The following LRP2 variants were observed in gnomAD, a reference collection of about 807,000 sequenced individuals.
LRP2 encodes the protein low-density lipoprotein receptor-related protein 2.
In LRP2, 172 loss-of-function variants were observed where a neutral mutation model predicts 531.0. The observed-to-expected ratio is 0.32, with a 90% confidence interval of 0.29 to 0.37. The LOEUF (loss-of-function observed/expected upper bound fraction) is 0.37. LRP2 is among the 10% of genes least tolerant of loss of function. The probability of loss-of-function intolerance (pLI) is 1.00; values close to 1 mark genes in which losing one functional copy is unlikely to be tolerated. For missense variants in LRP2, 5,167 were observed against 5,868.3 expected (o/e 0.88, Z 3.90); for synonymous variants, 1,992 against 2,027.6 (o/e 0.98, Z 0.47).
intron 1 of LRP2, among the ~76,000 whole-genome samples, chr2:169,358,898 CAAAA>C (rs777233354): frequency 1.7e-5 from 2 of 115,922 alleles, no homozygotes; most frequent in Admixed American, 9.0e-5. Context: ...ACGATTTTCT[CAAAA>C]AAAAAAAAAA....
In LRP2 at chr2:169,168,606, C is replaced by T. The variant is rs745949029; in HGVS notation, c.11568G>A (p.Pro3856=). 8.1e-6 allele frequency: 13 copies of T among 1,613,964 alleles called. No individual in the cohort carries two copies. Among genetic ancestry groups the T allele is most frequent in the South Asian group, 3.3e-5 (3 of 91,080 alleles). Residue 3856 remains proline (P), a synonymous_variant, in exon 61 of 79, where the codon CCG becomes CCA. Transcript: ENST00000649046. The part of the protein sequence containing the change: ...MFECKNHVCI[P]PYWKCDGDDD... ...CATCGCCATCACATTTCCAATATGG[C>T]GGGATACAAACATGGTTTTTGCATT...
intron 51 of LRP2, 39 bp downstream of exon 51, chr2:169,182,128 G>C: frequency 6.2e-6 from 10 of 1,612,786 alleles, no homozygotes; most frequent in South Asian, 3.3e-5. Flanking sequence ...GCAGAAGAAG[G>C]AGGTGAAAGA....
intron 1 of LRP2, among the ~76,000 whole-genome samples, chr2:169,327,095 G>GC (rs1306441298): frequency 1.3e-5 from 2 of 150,714 alleles, no homozygotes; most frequent in South Asian, 4.2e-4. Context: ...GGGGGGGTCA[G>GC]CCCCCCGCCC....
chr2:169,141,388 A>G (rs1285943384), intron 71 of LRP2, among the ~76,000 whole-genome samples: 2 of 152,030 alleles, frequency 1.3e-5, no homozygotes, highest in Non-Finnish European at 2.9e-5. Flanking sequence ...TTCTCTATTT[A>G]TTGTCCTCTT....
intron 73 of LRP2, 44 bp downstream of exon 73, chr2:169,139,499 G>A (rs1246523282): frequency 6.2e-7 from 1 of 1,611,226 alleles, no homozygotes; most frequent in Middle Eastern, 1.7e-4. Flanking sequence ...TTCAATGTAG[G>A]GGCCATGAGT....
intron 63 of LRP2, 138 bp from the exon 64 acceptor site, chr2:169,157,640 A>G (rs1222432542): frequency 1.6e-5 from 14 of 893,000 alleles, no homozygotes; most frequent in Non-Finnish European, 2.5e-5. Context: ...TGGAGAGGAC[A>G]GAGGGCACTG....
chr2:169,332,840 T>C (rs1428970139), intron 1 of LRP2, among the ~76,000 whole-genome samples: 1 of 152,228 alleles, frequency 6.6e-6, no homozygotes, highest in East Asian at 1.9e-4. Flanking sequence ...CAGAAATGTT[T>C]ATGCTTGGTG....
At position 169,259,006 on chromosome 2, in the gene LRP2, A is replaced by C. The variant is rs1690424156; in HGVS notation, c.2513+19T>G. 1.2e-6 allele frequency: 2 copies of C among 1,612,022 alleles called. No homozygotes were observed. On this transcript the variant is annotated intron_variant, in intron 17 of 78. Transcript: ENST00000649046. ...AGACATACAGTTTCAAGCTCTTAGG[A>C]AAACATGAACACACTTACCCGGCAA...
intron 65 of LRP2, among the ~76,000 whole-genome samples, chr2:169,155,133 AT>A (rs1021825678): frequency 1.3e-5 from 2 of 152,252 alleles, no homozygotes; most frequent in South Asian, 4.1e-4. Context: ...CCTTGATTTA[AT>A]TTTTTTAACC....
chr2:169,308,937 T>G (rs1333468245), intron 3 of LRP2, among the ~76,000 whole-genome samples: 2 of 152,136 alleles, frequency 1.3e-5, no homozygotes, highest in Non-Finnish European at 2.9e-5. Flanking sequence ...AGATGATATC[T>G]CATTGTGGTT....
At chr2:169,274,931 C>A in intron 14 of LRP2, 105 bp downstream of exon 14, 1 of 1,101,646 alleles carries the variant, frequency 9.1e-7, no homozygotes, top group Non-Finnish European at 1.4e-6. Context: ...CTTGAGAATG[C>A]CACCCAAATC....
intron 74 of LRP2, 33 bp downstream of exon 74, chr2:169,139,218 T>C (rs969218792): frequency 1.2e-5 from 20 of 1,613,942 alleles, no homozygotes; most frequent in Non-Finnish European, 1.4e-5. Context: ...TTCTTAGGCT[T>C]CAAACATCAA....
chr2:169,185,536 G>A lies in LRP2; in HGVS notation c.9812C>T (p.Ala3271Val), dbSNP rs769149306. The A allele has an allele frequency of 1.9e-6, 3 of 1,613,700 alleles. No homozygotes were observed. Among genetic ancestry groups the A allele is most frequent in the South Asian group, 2.2e-5 (2 of 91,076 alleles). ...KETIINHRLPAAESLAVDWVS... is the reference protein window; with the variant it reads ...KETIINHRLPVAESLAVDWVS... The stretch of plus-strand genomic sequence containing the variant: ...CCAGTCTACAGCCAGACTTTCTGCA[G>A]CTGGTAGTCTGTGGTTTATGATTGT... Residue 3271 changes from alanine to valine, a missense_variant, in exon 50 of 79, where the codon GCT (alanine) becomes GTT (valine). This residue lies in a region of LRP2 where 1,129 missense variants were observed against 1,362.7 expected (regional missense o/e 0.83). Transcript: ENST00000649046.
In LRP2 at chr2:169,233,391, T is replaced by C; in HGVS notation, c.5098+20A>G. 1 of 1,614,066 alleles carries C rather than the reference T, an allele frequency of 6.2e-7. No homozygotes were observed. The highest frequency in any genetic ancestry group is 8.5e-7 in the Non-Finnish European group (1 of 1,179,912). On this transcript the variant is annotated intron_variant, in intron 30 of 78. Transcript: ENST00000649046. ...TTTTTCAAGCTACTCCCAGGCAGGA[T>C]GTTTCTCTGTATCACTCACAATTTG...
chr2:169,303,055 A>G (rs1684325224), intron 4 of LRP2, among the ~76,000 whole-genome samples: 1 of 152,142 alleles, frequency 6.6e-6, no homozygotes, highest in South Asian at 2.1e-4. Flanking sequence ...ACAATGTCTA[A>G]GAAATACTTC....
intron 62 of LRP2, among the ~76,000 whole-genome samples, chr2:169,164,425 T>C (rs1289468585): frequency 2.0e-5 from 3 of 152,186 alleles, no homozygotes; most frequent in Non-Finnish European, 4.4e-5. Context: ...AAAGGAGTAT[T>C]TAGTGACACA....
At chr2:169,137,649 CAAAAAAAAAA>C (rs1160173051) in intron 75 of LRP2, among the ~76,000 whole-genome samples, 156 bp from the exon 76 acceptor site, 1 of 45,490 alleles carries the variant, frequency 2.2e-5, no homozygotes, top group East Asian at 6.8e-4. Context: ...AGAGAACTTG[CAAAAAAAAAA>C]AAAAAAAAAG....
chr2:169,265,669 T>A lies in LRP2; in HGVS notation c.2320+5235A>T, dbSNP rs569292708. ...TTGCAACCTGTACCCAGCCAAACAGTCAAGATGGAGAGCAAAATAAAACAC... is the reference window on the plus strand; with the variant it reads ...TTGCAACCTGTACCCAGCCAAACAGACAAGATGGAGAGCAAAATAAAACAC... On this transcript the variant is annotated intron_variant, in intron 16 of 78. Coordinates refer to ENST00000649046, the MANE Select transcript of LRP2 (RefSeq NM_004525.3). Among the ~76,000 whole-genome samples, 14 of 151,968 alleles carry A rather than the reference T, an allele frequency of 9.2e-5. No homozygotes were observed. The South Asian group carries it at 2.5e-3, about 27-fold the overall frequency.
intron 16 of LRP2, among the ~76,000 whole-genome samples, chr2:169,270,601 T>C (rs1170617501): frequency 3.5e-5 from 3 of 86,268 alleles, no homozygotes; most frequent in Non-Finnish European, 4.5e-5. Flanking sequence ...CGCCAGGGCC[T>C]GTCGTGGGGT....
Sources: allele counts gnomAD v4.1 joint callset (sites outside exome capture counted in the v4.1 genomes callset), GRCh38; gene constraint gnomAD v4.1.1; regional missense constraint gnomAD v4.1.1; transcripts MANE v1.5; gene names NCBI Gene and HGNC (gene_info 2026-07-23, HGNC 2026-07-21).